PRKN: variants seen among roughly 807,000 people sequenced by gnomAD.
The protein encoded by PRKN is parkin RBR E3 ubiquitin protein ligase, also known as E3 ubiquitin-protein ligase parkin.
A neutral mutation model predicts 59.5 loss-of-function variants in PRKN; 56 were observed. The observed-to-expected ratio is 0.94, with a 90% confidence interval of 0.76 to 1.18. The LOEUF is 1.18. Ranked by LOEUF, PRKN falls within the 50% of genes most tolerant of loss-of-function variation. The pLI is 0.00. For missense variants in PRKN, 657 were observed against 596.4 expected (o/e 1.10, Z -1.06); for synonymous variants, 250 against 222.1 (o/e 1.13, Z -1.12).
rs1234333701 is a variant in PRKN, at chr6:161,874,369, ATAT to A, written c.735-88464_735-88462del. 3.3e-5 allele frequency among the ~76,000 whole-genome samples: 3 copies of A among 90,400 alleles called. 1 individual carries two copies. The highest frequency in any genetic ancestry group is 2.0e-4 in the Admixed American group (1 of 4,900). The allele number at this position is 90,400 out of a possible 152,430, so 59.3% of individuals were successfully genotyped here. On this transcript the variant is annotated intron_variant, in intron 6 of 11. Transcript: ENST00000366898. The stretch of plus-strand genomic sequence containing the variant: ...ATATAAAATATATATTATATGTAAA[ATAT>A]TATATATAAAATATATATTATATGT...
rs181447141 is a variant in PRKN at position 161,588,555 on chromosome 6, G to A, written c.872-19139C>T. On this transcript the variant is annotated intron_variant, in intron 7 of 11. Coordinates refer to ENST00000366898, the MANE Select transcript of PRKN (RefSeq NM_004562.3). The surrounding 1 kb of genome is among the most constrained non-coding windows in gnomAD (Gnocchi z 5.0). Reference sequence around the variant, plus strand: ...TTTAATGAAGGGAAGACTGGAAAAGGGAAAGTGATGGCAATAAAAGTAAGG... The same window carrying A: ...TTTAATGAAGGGAAGACTGGAAAAGAGAAAGTGATGGCAATAAAAGTAAGG... Among the ~76,000 whole-genome samples, 67 of 152,020 alleles carry A rather than the reference G, an allele frequency of 4.4e-4. No homozygotes were observed. The highest frequency in any genetic ancestry group is 4.2e-3 in the Admixed American group (64 of 15,272).
intron 6 of PRKN, among the ~76,000 whole-genome samples, chr6:161,916,629 T>C (rs1396657465): frequency 6.6e-6 from 1 of 152,194 alleles, no homozygotes; most frequent in Non-Finnish European, 1.5e-5. Context: ...TTACTATTTA[T>C]TCTCTTTTCC....
chr6:161,696,660 T>C (rs576538414), intron 7 of PRKN, among the ~76,000 whole-genome samples: 33 of 152,276 alleles, frequency 2.2e-4, no homozygotes, highest in Non-Finnish European at 4.0e-4. Flanking sequence ...TCTAGACATA[T>C]ATAACCCAAT....
At chr6:162,661,629 T>C (rs1326671739) in intron 1 of PRKN, among the ~76,000 whole-genome samples, 1 of 152,212 alleles carries the variant, frequency 6.6e-6, no homozygotes, top group Non-Finnish European at 1.5e-5. Flanking sequence ...AAGGTTCCTG[T>C]GTCCTGGAAA....
At chr6:161,999,715 T>G (rs1266742020) in intron 5 of PRKN, among the ~76,000 whole-genome samples, 1 of 152,070 alleles carries the variant, frequency 6.6e-6, no homozygotes, top group Non-Finnish European at 1.5e-5. Context: ...TTACCAAGAC[T>G]AATGCACCAA....
intron 6 of PRKN, among the ~76,000 whole-genome samples, chr6:161,933,352 C>G (rs1427361702): frequency 6.6e-6 from 1 of 152,100 alleles, no homozygotes; most frequent in Non-Finnish European, 1.5e-5. Flanking sequence ...ACAATGTTGA[C>G]TCCATTAGAT....
In PRKN at chr6:161,393,796, T is replaced by A. The variant is rs561741847; in HGVS notation, c.1084-6919A>T. ...GTGCCTGTTTTCTATCATGGCTGCA[T>A]CTATTATAAAAGCATTCTATTATGT... On this transcript the variant is annotated intron_variant, in intron 9 of 11. Coordinates refer to ENST00000366898, the MANE Select transcript of PRKN (RefSeq NM_004562.3). The surrounding 1 kb of genome is among the most constrained non-coding windows in gnomAD (Gnocchi z 4.7). Among the ~76,000 whole-genome samples, 18 of 152,168 alleles carry A rather than the reference T, an allele frequency of 1.2e-4. No individual in the cohort carries two copies. The highest frequency in any genetic ancestry group is 4.1e-4 in the African/African-American group (17 of 41,552).
intron 5 of PRKN, among the ~76,000 whole-genome samples, chr6:162,021,461 ATTTTTTT>A (rs72433488): frequency 8.5e-4 from 21 of 24,664 alleles, no homozygotes; most frequent in Admixed American, 2.7e-3. Context: ...ATATATATAT[ATTTTTTT>A]TTTTTTTTTC....
intron 1 of PRKN, among the ~76,000 whole-genome samples, chr6:162,617,814 G>C (rs552738538): frequency 2.0e-5 from 3 of 152,040 alleles, no homozygotes; most frequent in Non-Finnish European, 2.9e-5. Flanking sequence ...TAACTAACAA[G>C]TAATAGTACT....
At chr6:162,184,647 C>T (rs989119195) in intron 4 of PRKN, among the ~76,000 whole-genome samples, 2 of 152,252 alleles carry the variant, frequency 1.3e-5, no homozygotes, top group East Asian at 3.9e-4. Flanking sequence ...GTCAGTCAAA[C>T]CTGTTTTCTT....
chr6:162,395,269 A>G lies in PRKN; in HGVS notation c.171+48041T>C, dbSNP rs1562729867. Reference sequence around the variant, plus strand: ...TAACAATATGTGCTAGATTATATAAAGGAATGCAGCTGCCACTTGAACATT... The same window carrying G: ...TAACAATATGTGCTAGATTATATAAGGGAATGCAGCTGCCACTTGAACATT... On this transcript the variant is annotated intron_variant, in intron 2 of 11. Transcript: ENST00000366898. 2.0e-5 allele frequency among the ~76,000 whole-genome samples: 3 copies of G among 152,212 alleles called. No homozygotes were observed. In the South Asian group the frequency reaches 6.2e-4, roughly 32 times the overall value.
At chr6:162,215,196 C>T (rs1438505955) in intron 3 of PRKN, among the ~76,000 whole-genome samples, 1 of 152,154 alleles carries the variant, frequency 6.6e-6, no homozygotes, top group African/African-American at 2.4e-5. Context: ...ATAATTTTAT[C>T]TCTCCTACCA....
At chr6:162,478,066 A>C (rs1457292080) in intron 1 of PRKN, among the ~76,000 whole-genome samples, 1 of 152,140 alleles carries the variant, frequency 6.6e-6, no homozygotes, top group Non-Finnish European at 1.5e-5. Flanking sequence ...ATGGTTATCC[A>C]CGGTGAGATC....
intron 9 of PRKN, among the ~76,000 whole-genome samples, chr6:161,519,373 C>T (rs1396592642): frequency 1.3e-5 from 2 of 152,140 alleles, no homozygotes; most frequent in Non-Finnish European, 2.9e-5. Flanking sequence ...ATGCAGACGC[C>T]AATTACTCTG....
intron 6 of PRKN, among the ~76,000 whole-genome samples, chr6:161,830,293 C>T (rs1792435368): frequency 6.6e-6 from 1 of 151,522 alleles, no homozygotes; most frequent in South Asian, 2.1e-4. Flanking sequence ...GCTCTGTTGC[C>T]CAGGCTGGAG....
At chr6:162,650,968 T>C (rs1258136371) in intron 1 of PRKN, among the ~76,000 whole-genome samples, 1 of 152,064 alleles carries the variant, frequency 6.6e-6, no homozygotes, top group East Asian at 1.9e-4. Context: ...GTGGAGAGAA[T>C]GTGAGGGAAT....
chr6:161,624,344 G>C (rs1486155726), intron 7 of PRKN, among the ~76,000 whole-genome samples: 2 of 152,198 alleles, frequency 1.3e-5, no homozygotes, highest in African/African-American at 2.4e-5. Context: ...ATGATCTTTG[G>C]AATAACCAAA....
intron 1 of PRKN, among the ~76,000 whole-genome samples, chr6:162,490,610 T>C (rs978153628): frequency 3.9e-5 from 6 of 152,212 alleles, no homozygotes; most frequent in Non-Finnish European, 8.8e-5. Flanking sequence ...ATTTCATGCT[T>C]ATTTGATATT....
rs76868858 is a variant in PRKN at position 161,957,416 on chromosome 6, T to G, written c.734+15886A>C. On this transcript the variant is annotated intron_variant, in intron 6 of 11. Coordinates refer to ENST00000366898, the MANE Select transcript of PRKN (RefSeq NM_004562.3). The stretch of plus-strand genomic sequence containing the variant: ...TTTTTTGTTGTTCTTGTTGTTTTTT[T>G]TTTGTTTGTTTGTTTGTTTGTTTTT... Among the ~76,000 whole-genome samples, 828 of 126,378 alleles carry G rather than the reference T, an allele frequency of 6.6e-3. 5 individuals are homozygous for G. Among genetic ancestry groups the G allele is most frequent in the Middle Eastern group, 0.038 (9 of 236 alleles). The allele number at this position is 126,378 out of a possible 152,430, so 82.9% of individuals were successfully genotyped here.
Sources: allele counts gnomAD v4.1 joint callset (sites outside exome capture counted in the v4.1 genomes callset), GRCh38; gene constraint gnomAD v4.1.1; non-coding constraint Gnocchi (gnomAD v3.1); transcripts MANE v1.5; gene names NCBI Gene and HGNC (gene_info 2026-07-23, HGNC 2026-07-21).